The following MAP7D2 variants were observed in gnomAD, a reference collection of about 807,000 sequenced individuals.
The protein encoded by MAP7D2 is MAP7 domain-containing protein 2.
In MAP7D2, 33 loss-of-function variants were observed where a neutral mutation model predicts 63.5. That is an observed-to-expected ratio of 0.52 (90% CI 0.39 to 0.70). MAP7D2 has a LOEUF of 0.70. MAP7D2 is among the 30% of genes least tolerant of loss of function. The pLI is 0.00. For missense variants in MAP7D2, 626 were observed against 604.0 expected (o/e 1.04, Z -0.38); for synonymous variants, 224 against 223.7 (o/e 1.00, Z -0.01).
At chrX:20,044,019 G>T (rs1322341534) in intron 7 of MAP7D2, among the ~76,000 whole-genome samples, 10 of 111,767 alleles carry the variant, frequency 8.9e-5, no homozygotes, top group African/African-American at 2.3e-4. Flanking sequence ...TAGATCCTCA[G>T]TTCCACTTAG....
chrX:20,025,806 T>C lies in MAP7D2; in HGVS notation c.1154A>G (p.Glu385Gly). 8.3e-7 allele frequency: 1 copy of C among 1,211,702 alleles called. No homozygotes were observed. Among genetic ancestry groups the C allele is most frequent in the Non-Finnish European group, 1.1e-6 (1 of 895,491 alleles). Reference sequence around the variant, plus strand: ...AGCAGCCTGCTGAGCCAAGGTACCTTCCCTTTCCTTGTTGCTCTTCTCTTT... The same window carrying C: ...AGCAGCCTGCTGAGCCAAGGTACCTCCCCTTTCCTTGTTGCTCTTCTCTTT... ...AEKEKSNKEREGTLAQQAAGP... is the reference protein window; with the variant it reads ...AEKEKSNKERGGTLAQQAAGP... Residue 385 changes from glutamate (E) to glycine (G), a missense_variant, in exon 9 of 17, where the codon GAA becomes GGA. By Grantham distance (98) the Glu-to-Gly change is moderately conservative. Coordinates refer to ENST00000379643, the MANE Select transcript of MAP7D2 (RefSeq NM_001168465.2).
At chrX:20,038,829 T>C (rs2064568567) in intron 8 of MAP7D2, among the ~76,000 whole-genome samples, 1 of 111,892 alleles carries the variant, frequency 8.9e-6, no homozygotes, top group Non-Finnish European at 1.9e-5. Context: ...ACCCAGACTA[T>C]CAAGATGAAA....
chrX:20,111,329 C>T lies in MAP7D2; in HGVS notation c.130+5421G>A, dbSNP rs541787235. Among the ~76,000 whole-genome samples, 21 of 112,075 alleles carry T rather than the reference C, an allele frequency of 1.9e-4. No homozygotes were observed. In the South Asian group the frequency reaches 7.4e-3, roughly 40 times the overall value. On this transcript the variant is annotated intron_variant, in intron 1 of 16. Transcript: ENST00000379643. ...ACATGTGCAGTATATAACTGCAGACCGCTGTGTACATTACATTCAGGTTCT... is the reference window on the plus strand; with the variant it reads ...ACATGTGCAGTATATAACTGCAGACTGCTGTGTACATTACATTCAGGTTCT...
At chrX:20,086,896 C>T (rs2065924072) in intron 1 of MAP7D2, among the ~76,000 whole-genome samples, 1 of 111,770 alleles carries the variant, frequency 8.9e-6, no homozygotes, top group African/African-American at 3.3e-5. Context: ...TCTCCTGCCT[C>T]AGCCTCCCTA....
In MAP7D2 at chrX:20,094,542, G is replaced by GTA. The variant is rs1364751270; in HGVS notation, c.130+22206_130+22207dup. On this transcript the variant is annotated intron_variant, in intron 1 of 16. Coordinates refer to ENST00000379643, the MANE Select transcript of MAP7D2 (RefSeq NM_001168465.2). ...TATATATATATATATATATATATAT[G>GTA]TATATATATATATATATATATATAT... is the stretch of plus-strand genomic sequence containing the variant. 8.2e-3 allele frequency among the ~76,000 whole-genome samples: 50 copies of GTA among 6,087 alleles called. 1 individual carries two copies. The highest frequency in any genetic ancestry group is 0.032 in the South Asian group (2 of 62). 5.3% of individuals were successfully genotyped at this position (6,087 alleles called of 115,157 possible).
chrX:20,051,700 G>T (rs757696670), intron 5 of MAP7D2, among the ~76,000 whole-genome samples: 9 of 112,283 alleles, frequency 8.0e-5, no homozygotes, highest in Non-Finnish European at 1.5e-4. Context: ...ATGTCATCTT[G>T]TAATAGTATA....
At chrX:20,106,662 C>G (rs1343626074) in intron 1 of MAP7D2, among the ~76,000 whole-genome samples, 2 of 112,337 alleles carry the variant, frequency 1.8e-5, no homozygotes, top group Non-Finnish European at 3.8e-5. Context: ...AATGGAGACA[C>G]ACTAGAAGTG....
At chrX:20,078,772 T>C (rs1223616362) in intron 1 of MAP7D2, among the ~76,000 whole-genome samples, 1 of 111,388 alleles carries the variant, frequency 9.0e-6, no homozygotes, top group Non-Finnish European at 1.9e-5. Context: ...AGATATGTCC[T>C]GAGTATCCAG....
intron 1 of MAP7D2, among the ~76,000 whole-genome samples, chrX:20,105,114 G>A (rs1341338611): frequency 3.6e-5 from 4 of 111,820 alleles, no homozygotes; most frequent in Non-Finnish European, 5.6e-5. Flanking sequence ...AGGGCTGCAG[G>A]TGCCTGGTGA....
chrX:20,029,018 T>C (rs774749895), intron 8 of MAP7D2, among the ~76,000 whole-genome samples: 1 of 111,921 alleles, frequency 8.9e-6, no homozygotes, highest in Admixed American at 9.4e-5. Flanking sequence ...TTTCTCTGAT[T>C]GGTGAGAATG....
At chrX:20,054,051 C>T (rs1423242030) in intron 4 of MAP7D2, among the ~76,000 whole-genome samples, 1 of 111,811 alleles carries the variant, frequency 8.9e-6, no homozygotes, top group South Asian at 3.7e-4. Context: ...ACCATGTTGG[C>T]CAGGATGGTC....
intron 8 of MAP7D2, among the ~76,000 whole-genome samples, chrX:20,038,822 C>T (rs1820933358): frequency 8.9e-6 from 1 of 111,955 alleles, no homozygotes; most frequent in Non-Finnish European, 1.9e-5. Context: ...GTGATTGACC[C>T]AGACTATCAA....
Position 20,096,081 on chromosome X carries a change from CAAAAAAAAAAA to C in MAP7D2, c.130+20658_130+20668del, listed in dbSNP as rs1208579984. 3.8e-3 allele frequency among the ~76,000 whole-genome samples: 56 copies of C among 14,897 alleles called. 1 individual carries two copies. Among genetic ancestry groups the C allele is most frequent in the African/African-American group, 0.013 (48 of 3,809 alleles). The allele number at this position is 14,897 out of a possible 115,157, so 12.9% of individuals were successfully genotyped here. A position where few individuals can be genotyped will look rare whatever the true frequency, so the allele number is the denominator to read the frequency against. ...TGGGCAACAGAGCAAGACTCTTCCT[CAAAAAAAAAAA>C]AAAAAAAAAAAAAAGGAAAAAAGAA... On this transcript the variant is annotated intron_variant, in intron 1 of 16. Coordinates refer to ENST00000379643, the MANE Select transcript of MAP7D2 (RefSeq NM_001168465.2).
In MAP7D2 at chrX:20,068,920, T is replaced by C. The variant is rs776196040; in HGVS notation, c.131-4115A>G. On this transcript the variant is annotated intron_variant, in intron 1 of 16. Transcript: ENST00000379643. ...AGATCTGATGATTTTATTTCTGCGT[T>C]TGCATCTTCCTCATTTTCTCTTGCC... Among the ~76,000 whole-genome samples the C allele has an allele frequency of 2.7e-5, 3 of 111,861 alleles. No individual in the cohort carries two copies. The Admixed American group carries it at 2.8e-4, about 11-fold the overall frequency.
chrX:20,115,958 C>T (rs1048369392), intron 1 of MAP7D2, among the ~76,000 whole-genome samples: 5 of 112,948 alleles, frequency 4.4e-5, no homozygotes, highest in African/African-American at 1.3e-4. Flanking sequence ...GCACTACCTG[C>T]AACCACTTTA....
At chrX:20,078,409 C>G (rs2065699078) in intron 1 of MAP7D2, among the ~76,000 whole-genome samples, 1 of 112,529 alleles carries the variant, frequency 8.9e-6, no homozygotes. Flanking sequence ...TGAGGCCAGT[C>G]TGGTTGACTC....
At chrX:20,030,829 T>C (rs5955583) in intron 8 of MAP7D2, among the ~76,000 whole-genome samples, 41,406 of 110,478 alleles carry the variant, frequency 0.37, 7,863 homozygotes, top group African/African-American at 0.74. Flanking sequence ...TCACCAGTAA[T>C]TAAACAAACT....
intron 1 of MAP7D2, among the ~76,000 whole-genome samples, chrX:20,076,500 G>A (rs1413134482): frequency 1.8e-5 from 2 of 111,005 alleles, no homozygotes; most frequent in Non-Finnish European, 1.9e-5. Context: ...GAGGTCAGGA[G>A]TTCGAGACCA....
intron 1 of MAP7D2, among the ~76,000 whole-genome samples, chrX:20,092,267 G>T (rs1482035963): frequency 9.0e-6 from 1 of 110,794 alleles, no homozygotes; most frequent in African/African-American, 3.3e-5. Context: ...CAGTGTTGGG[G>T]CTCAGAAGCA....
Sources: gnomAD v4.1 joint callset for allele counts (sites outside exome capture counted in the v4.1 genomes callset) on GRCh38, gnomAD v4.1.1 for gene constraint, MANE v1.5 for transcripts, NCBI Gene and HGNC (gene_info 2026-07-23, HGNC 2026-07-21) for gene names.